Variants in P2RY10 observed in about 807,000 individuals in gnomAD.
P2RY10 encodes the protein P2Y receptor family member 10.
A neutral mutation model predicts 12.1 loss-of-function variants in P2RY10; 4 were observed. The observed-to-expected ratio is 0.33, with a 90% CI of 0.16 to 0.76. P2RY10 has a LOEUF of 0.76. Ranked by LOEUF, P2RY10 falls within the 30% of genes least tolerant of loss-of-function variation. The pLI is 0.61. For synonymous variants in P2RY10, 112 were observed against 94.1 expected, an observed-to-expected ratio of 1.19 and a Z score of -1.10; for missense variants, 233 against 264.6, an observed-to-expected ratio of 0.88 and a Z score of 0.83.
At position 78,961,493 on chromosome X, in the gene P2RY10, C is replaced by T. The variant is rs1046163703; in HGVS notation, c.973C>T (p.Arg325Cys). The change falls in exon 4 of 4, where the codon CGC (arginine) becomes TGC (cysteine). Residue 325 changes from arginine to cysteine, a missense_variant. By Grantham distance (180) the Arg-to-Cys change is radical. Coordinates refer to ENST00000171757, the MANE Select transcript of P2RY10 (RefSeq NM_014499.4). ...QLSRHGSSVTRSRLMSKESGS... is the reference protein window; with the variant it reads ...QLSRHGSSVTCSRLMSKESGS... ...ATCCCGCCATGGCAGTTCTGTGACC[C>T]GCTCCCGCCTCATGAGCAAGGAGAG... 4.1e-6 allele frequency: 5 copies of T among 1,208,369 alleles called. No homozygotes were observed. The highest frequency in any genetic ancestry group is 4.5e-6 in the Non-Finnish European group (4 of 893,482).
intron 3 of P2RY10, among the ~76,000 whole-genome samples, chrX:78,954,587 G>A (rs1005211695): frequency 1.8e-5 from 2 of 111,849 alleles, no homozygotes; most frequent in Admixed American, 1.9e-4. Context: ...CCACAGAAAT[G>A]TCTTTGTTAC....
intron 1 of P2RY10, among the ~76,000 whole-genome samples, chrX:78,946,789 G>A (rs1360028793): frequency 8.9e-6 from 1 of 112,388 alleles, no homozygotes; most frequent in Non-Finnish European, 1.9e-5. Context: ...GCCAAATGCA[G>A]TTTATTTTGG....
In P2RY10 at chrX:78,963,510, A is replaced by C. The variant is rs1922735213; in HGVS notation, c.*1970A>C. Among the ~76,000 whole-genome samples the C allele has an allele frequency of 8.9e-6, 1 of 112,336 alleles. No individual in the cohort carries two copies. On this transcript the variant is annotated 3_prime_UTR_variant, in exon 4 of 4. Transcript: ENST00000171757. ...TATGTCTGTGGAGAAATGGAACTGC[A>C]ATCCTCAAGAGTCACACTTCATATT...
At chrX:78,957,229 A>G (rs1320571044) in intron 3 of P2RY10, among the ~76,000 whole-genome samples, 2 of 109,805 alleles carry the variant, frequency 1.8e-5, no homozygotes, top group East Asian at 5.7e-4. Flanking sequence ...CACCAATCCC[A>G]CATCCCTATG....
intron 3 of P2RY10, among the ~76,000 whole-genome samples, chrX:78,960,218 T>A (rs891304123): frequency 1.8e-5 from 2 of 112,322 alleles, no homozygotes; most frequent in African/African-American, 6.5e-5. Context: ...GTTTTTGCTG[T>A]GGTCAGAATA....
chrX:78,946,484 A>C (rs1388372078), intron 1 of P2RY10, among the ~76,000 whole-genome samples: 1 of 112,316 alleles, frequency 8.9e-6, no homozygotes, highest in Admixed American at 9.4e-5. Flanking sequence ...AAGGCTGGAT[A>C]GAATGATACC....
chrX:78,962,135 A>G lies in P2RY10; in HGVS notation c.*595A>G, dbSNP rs1175460657. Among the ~76,000 whole-genome samples the G allele has an allele frequency of 1.8e-5, 2 of 111,242 alleles. No homozygotes were observed. The highest frequency in any genetic ancestry group is 3.8e-5 in the Non-Finnish European group (2 of 53,001). ...GTTCTTGGTTGTCACTTTGTTAGGT[A>G]CTTTCTTTTTTTTTCATAAGTTATT... On this transcript the variant is annotated 3_prime_UTR_variant, in exon 4 of 4. Coordinates refer to ENST00000171757, the MANE Select transcript of P2RY10 (RefSeq NM_014499.4).
intron 3 of P2RY10, among the ~76,000 whole-genome samples, chrX:78,960,057 A>C (rs764504815): frequency 9.0e-6 from 1 of 111,696 alleles, no homozygotes; most frequent in South Asian, 3.8e-4. Context: ...GGACCCAAAG[A>C]GCAAAATGGC....
At position 78,951,696 on chromosome X, in the gene P2RY10, C is replaced by A. The variant is rs1922110083; in HGVS notation, c.-156-497C>A. 2.7e-5 allele frequency among the ~76,000 whole-genome samples: 3 copies of A among 111,561 alleles called. No individual in the cohort carries two copies. The Admixed American group carries it at 2.9e-4, about 11-fold the overall frequency. Reference sequence around the variant, plus strand: ...GTTTTAGTCATAACTTTGTGCGTGCCATTTTTATTATCAGGAACATCTTTA... The same window carrying A: ...GTTTTAGTCATAACTTTGTGCGTGCAATTTTTATTATCAGGAACATCTTTA... On this transcript the variant is annotated intron_variant, in intron 2 of 3. Transcript: ENST00000171757.
chrX:78,962,789 A>C lies in P2RY10; in HGVS notation c.*1249A>C, dbSNP rs1363524893. 1.8e-5 allele frequency among the ~76,000 whole-genome samples: 2 copies of C among 111,586 alleles called. No homozygotes were observed. The highest frequency in any genetic ancestry group is 3.8e-5 in the Non-Finnish European group (2 of 53,110). On this transcript the variant is annotated 3_prime_UTR_variant, in exon 4 of 4. Coordinates refer to ENST00000171757, the MANE Select transcript of P2RY10 (RefSeq NM_014499.4). ...ACCTCATAAGTAGGTGAAAAAAAAA[A>C]CCCTGTGGAGTGATAAACATTCTAT...
intron 3 of P2RY10, 118 bp downstream of exon 3, chrX:78,952,453 C>A (rs1922147686): frequency 3.4e-6 from 1 of 295,803 alleles, no homozygotes; most frequent in Non-Finnish European, 4.5e-6. Context: ...GTTGTGGGGA[C>A]ATGTATGCCA....
intron 1 of P2RY10, among the ~76,000 whole-genome samples, chrX:78,945,946 G>A (rs1320123644): frequency 8.9e-6 from 1 of 111,953 alleles, no homozygotes; most frequent in Non-Finnish European, 1.9e-5. Context: ...GGAAAATTTA[G>A]CTTTCAGAGA....
chrX:78,949,309 T>C (rs1043739155), intron 2 of P2RY10, among the ~76,000 whole-genome samples: 1 of 112,279 alleles, frequency 8.9e-6, no homozygotes, highest in Non-Finnish European at 1.9e-5. Context: ...AGATGCATAG[T>C]CTGCAAATAT....
At position 78,962,489 on chromosome X, in the gene P2RY10, T is replaced by C. The variant is rs982945450; in HGVS notation, c.*949T>C. The stretch of plus-strand genomic sequence containing the variant: ...TTTGTTGTTACATTTATTAGGTCTA[T>C]ACTAAATTAGCCTTCAATGATGAAG... On this transcript the variant is annotated 3_prime_UTR_variant, in exon 4 of 4. Coordinates refer to ENST00000171757, the MANE Select transcript of P2RY10 (RefSeq NM_014499.4). Among the ~76,000 whole-genome samples the C allele has an allele frequency of 2.7e-5, 3 of 111,971 alleles. No homozygotes were observed. Among genetic ancestry groups the C allele is most frequent in the Non-Finnish European group, 5.6e-5 (3 of 53,206 alleles).
At position 78,960,520 on chromosome X, in the gene P2RY10, C is replaced by T. The variant is rs146272461; in HGVS notation, c.-1C>T. Reference sequence around the variant, plus strand: ...TTACTTTGGGCAGGAACCATAAATCCATGGCTAACCTTGACAAATACACTG... The same window carrying T: ...TTACTTTGGGCAGGAACCATAAATCTATGGCTAACCTTGACAAATACACTG... On this transcript the variant is annotated 5_prime_UTR_variant, in exon 4 of 4. Transcript: ENST00000171757. 12 of 1,201,312 alleles carry T rather than the reference C, an allele frequency of 1.0e-5. No homozygotes were observed. The African/African-American group carries it at 1.8e-4, about 18-fold the overall frequency.
intron 3 of P2RY10, among the ~76,000 whole-genome samples, chrX:78,952,648 T>C (rs1284443716): frequency 1.8e-5 from 2 of 111,313 alleles, no homozygotes; most frequent in Admixed American, 1.9e-4. Flanking sequence ...AAACCATGAT[T>C]TTCTAGGAGT....
intron 3 of P2RY10, among the ~76,000 whole-genome samples, chrX:78,955,834 C>A (rs1922310378): frequency 1.8e-5 from 2 of 111,868 alleles, no homozygotes; most frequent in Non-Finnish European, 3.8e-5. Flanking sequence ...GTGGATGATT[C>A]TATATTCTCC....
At chrX:78,952,109 G>T (rs1474715947) in intron 2 of P2RY10, 84 bp from the exon 3 acceptor site, 1 of 385,905 alleles carries the variant, frequency 2.6e-6, no homozygotes, top group Non-Finnish European at 3.3e-6. Flanking sequence ...TCTTTTTATG[G>T]CTGTATAGTA....
chrX:78,947,740 G>T, intron 1 of P2RY10, 75 bp from the exon 2 acceptor site: 1 of 199,807 alleles, frequency 5.0e-6, no homozygotes, highest in Non-Finnish European at 7.6e-6. Flanking sequence ...ATCTAGAGAG[G>T]ACATTCTGGA....
Sources: gnomAD v4.1 joint callset for allele counts (sites outside exome capture counted in the v4.1 genomes callset) on GRCh38, gnomAD v4.1.1 for gene constraint, MANE v1.5 for transcripts, NCBI Gene and HGNC (gene_info 2026-07-23, HGNC 2026-07-21) for gene names.